Variants in SYCP1 observed in about 807,000 individuals in gnomAD.
SYCP1 encodes synaptonemal complex protein 1.
SYCP1 carries 64 observed loss-of-function variants against 153.1 expected under a neutral mutation model. The observed-to-expected ratio is 0.42, with a 90% CI of 0.34 to 0.51. The LOEUF (loss-of-function observed/expected upper bound fraction) is 0.51, where lower values mean the gene tolerates loss of function less well. SYCP1 is among the 20% of genes least tolerant of loss of function. The pLI is 0.06. For synonymous variants in SYCP1, 384 were observed against 341.8 expected, an observed-to-expected ratio of 1.12 and a Z score of -1.36; for missense variants, 997 against 1,049.0, an observed-to-expected ratio of 0.95 and a Z score of 0.68.
At chr1:114,875,318 T>A (rs966626948) in intron 9 of SYCP1, among the ~76,000 whole-genome samples, 71 of 149,156 alleles carry the variant, frequency 4.8e-4, no homozygotes, top group African/African-American at 1.7e-3. Context: ...TGGAGTGCAG[T>A]GGCGCAACCT....
chr1:114,977,364 A>G (rs1258585552), intron 27 of SYCP1, among the ~76,000 whole-genome samples, 193 bp from the exon 28 acceptor site: 1 of 151,824 alleles, frequency 6.6e-6, no homozygotes, highest in East Asian at 1.9e-4. Context: ...AGAATAAAGG[A>G]AGAGATAATC....
chr1:114,980,686 G>A (rs1410579232), intron 28 of SYCP1, among the ~76,000 whole-genome samples: 3 of 151,758 alleles, frequency 2.0e-5, no homozygotes, highest in Admixed American at 2.0e-4. Flanking sequence ...AGGGCTTTTT[G>A]CCACCAGGAG....
chr1:114,856,469 A>G (rs960722996), intron 2 of SYCP1, 104 bp from the exon 3 acceptor site: 1 of 681,500 alleles, frequency 1.5e-6, no homozygotes. Flanking sequence ...TTGCAATTAT[A>G]GTAACCTTTT....
intron 28 of SYCP1, among the ~76,000 whole-genome samples, chr1:114,979,788 T>G (rs1001982038): frequency 1.3e-5 from 2 of 151,854 alleles, no homozygotes; most frequent in African/African-American, 4.8e-5. Flanking sequence ...TCTTGATTTA[T>G]AGATGAATAA....
At chr1:114,946,497 C>A in intron 26 of SYCP1, 116 bp downstream of exon 26, 1 of 560,474 alleles carries the variant, frequency 1.8e-6, no homozygotes, top group Non-Finnish European at 3.1e-6. Context: ...AGAGTCTTAA[C>A]TCTGAAAGGG....
At chr1:114,977,394 G>A (rs538042197) in intron 27 of SYCP1, among the ~76,000 whole-genome samples, 163 bp from the exon 28 acceptor site, 2 of 151,642 alleles carry the variant, frequency 1.3e-5, no homozygotes, top group Non-Finnish European at 3.0e-5. Flanking sequence ...TAATACCTCT[G>A]TAGAAAGGAA....
At chr1:114,911,614 TG>T (rs1479855410) in intron 18 of SYCP1, 32 bp downstream of exon 18, 1 of 1,198,098 alleles carries the variant, frequency 8.3e-7, no homozygotes, top group African/African-American at 1.6e-5. Context: ...AAATAGTTTA[TG>T]TACTCAATTC....
intron 27 of SYCP1, among the ~76,000 whole-genome samples, chr1:114,974,114 A>G (rs1672662023): frequency 6.6e-6 from 1 of 151,618 alleles, no homozygotes; most frequent in Non-Finnish European, 1.5e-5. Flanking sequence ...ATTAACCTTG[A>G]TTGAATCTGT....
chr1:114,888,435 A>G (rs1666459173), intron 15 of SYCP1, among the ~76,000 whole-genome samples: 2 of 151,956 alleles, frequency 1.3e-5, no homozygotes, highest in African/African-American at 2.4e-5. Context: ...AATATTATCT[A>G]GTATCGGAAA....
chr1:114,889,164 A>C (rs1331198321), intron 15 of SYCP1, among the ~76,000 whole-genome samples: 1 of 151,998 alleles, frequency 6.6e-6, no homozygotes, highest in African/African-American at 2.4e-5. Flanking sequence ...TGCAGTAAAC[A>C]TATGTGTGCA....
chr1:114,892,232 G>A (rs1666755406), intron 15 of SYCP1, among the ~76,000 whole-genome samples: 1 of 152,142 alleles, frequency 6.6e-6, no homozygotes, highest in African/African-American at 2.4e-5. Flanking sequence ...GCTGGCTCTG[G>A]TGGGCAGGGG....
At chr1:114,956,573 A>G (rs180733832) in intron 27 of SYCP1, among the ~76,000 whole-genome samples, 97 of 152,168 alleles carry the variant, frequency 6.4e-4, no homozygotes, top group Admixed American at 2.2e-3. Flanking sequence ...TTGACATCCT[A>G]TCTTGCCCAT....
intron 3 of SYCP1, 62 bp from the exon 4 acceptor site, chr1:114,857,170 A>AAAAAAAAG: frequency 7.9e-7 from 1 of 1,268,268 alleles, no homozygotes; most frequent in Non-Finnish European, 1.1e-6. Context: ...GAAAAAAGAA[A>AAAAAAAAG]AAAAAAAAGA....
chr1:114,979,426 G>A (rs1373901528), intron 28 of SYCP1, among the ~76,000 whole-genome samples: 1 of 151,742 alleles, frequency 6.6e-6, no homozygotes, highest in African/African-American at 2.4e-5. Context: ...GGATAGTTCA[G>A]TATTGTCACA....
chr1:114,942,987 T>C (rs576740663), intron 23 of SYCP1, among the ~76,000 whole-genome samples: 21 of 151,950 alleles, frequency 1.4e-4, no homozygotes, highest in Admixed American at 5.2e-4. Flanking sequence ...GAGTAAAATA[T>C]ATGAACAGAG....
rs1664166522 is a variant in SYCP1 at position 114,858,550 on chromosome 1, T to G, written c.295T>G (p.Ser99Ala). The G allele has an allele frequency of 6.4e-7, 1 of 1,570,470 alleles. No individual in the cohort carries two copies. The highest frequency in any genetic ancestry group is 8.6e-7 in the Non-Finnish European group (1 of 1,162,746). Reference sequence around the variant, plus strand: ...TTTTGAAAACATATTTTAATAGAATTCAGAGGGATTGAGCAGAGTGTATTC... The same window carrying G: ...TTTTGAAAACATATTTTAATAGAATGCAGAGGGATTGAGCAGAGTGTATTC... ...EGLKDSDLEN[S>A]EGLSRVYSKL... The change falls in exon 6 of 32, where the codon TCA becomes GCA. Residue 99 changes from serine (S) to alanine (A), a missense_variant. Ser to Ala is a moderately conservative substitution (Grantham distance 99). Transcript: ENST00000369522.
At chr1:114,967,502 TTTTG>T (rs1264790172) in intron 27 of SYCP1, among the ~76,000 whole-genome samples, 4 of 151,464 alleles carry the variant, frequency 2.6e-5, no homozygotes, top group Non-Finnish European at 5.9e-5. Flanking sequence ...AATCTCTGCT[TTTTG>T]TTTGTTTGTT....
intron 23 of SYCP1, among the ~76,000 whole-genome samples, chr1:114,931,410 C>T (rs1014869122): frequency 1.3e-5 from 2 of 151,698 alleles, no homozygotes; most frequent in Non-Finnish European, 2.9e-5. Flanking sequence ...GGTCAATGGC[C>T]AAAAATCAAT....
At chr1:114,888,215 T>C (rs944656568) in intron 15 of SYCP1, among the ~76,000 whole-genome samples, 17 of 152,108 alleles carry the variant, frequency 1.1e-4, no homozygotes, top group Admixed American at 1.1e-3. Flanking sequence ...ATAATTCTAA[T>C]AACCTATGCT....
Sources: gnomAD v4.1 joint callset for allele counts (sites outside exome capture counted in the v4.1 genomes callset) on GRCh38, gnomAD v4.1.1 for gene constraint, MANE v1.5 for transcripts, NCBI Gene and HGNC (gene_info 2026-07-23, HGNC 2026-07-21) for gene names.